HSPG2: variants seen among roughly 807,000 people sequenced by gnomAD.
HSPG2 encodes the protein heparan sulfate proteoglycan 2.
In HSPG2, 278 loss-of-function variants were observed where a neutral mutation model predicts 526.6. The observed-to-expected ratio is 0.53, with a 90% CI of 0.48 to 0.58. The LOEUF (loss-of-function observed/expected upper bound fraction) is 0.58. HSPG2 is among the 20% of genes least tolerant of loss of function. The probability of loss-of-function intolerance (pLI) is 0.00; values close to 1 mark genes in which losing one functional copy is unlikely to be tolerated. For missense variants in HSPG2, 5,354 were observed against 6,099.5 expected (o/e 0.88, Z 4.07); for synonymous variants, 2,465 against 2,555.4 (o/e 0.96, Z 1.07).
At chr1:21,835,805 G>A (rs1457596426) in intron 75 of HSPG2, among the ~76,000 whole-genome samples, 168 bp from the exon 76 acceptor site, 4 of 151,860 alleles carry the variant, frequency 2.6e-5, no homozygotes, top group African/African-American at 9.7e-5. Flanking sequence ...CCAACATGGT[G>A]AAACCCTGTT....
At chr1:21,854,409 C>T in intron 49 of HSPG2, 66 bp from the exon 50 acceptor site, 3 of 1,534,972 alleles carry the variant, frequency 2.0e-6, no homozygotes, top group Non-Finnish European at 2.6e-6. Flanking sequence ...ACTCCCTCAG[C>T]CTCAGTGATT....
Position 21,829,405 on chromosome 1 carries a change from C to T in HSPG2, c.11970G>A (p.Glu3990=), listed in dbSNP as rs140509598. ...VSLAMVGGHL[E]FRYELGSGLA... is the part of the protein sequence containing the mutation. ...TACCTGACCCCAACTCATAGCGGAA[C>T]TCCAGGTGGCCGCCCACCATCGCCA... is the stretch of plus-strand genomic sequence containing the variant. Residue 3990 remains glutamate (E), a synonymous_variant, in exon 87 of 97, where the codon GAG becomes GAA. Transcript: ENST00000374695. 3.3e-5 allele frequency: 53 copies of T among 1,613,438 alleles called. No homozygotes were observed. In the African/African-American group the frequency reaches 6.5e-4, roughly 20 times the overall value.
chr1:21,823,347 G>T lies in HSPG2; in HGVS notation c.13145C>A (p.Ala4382Asp), dbSNP rs116316900. ...QPLDLQHRAQAGANTRPCPS is the reference protein window; with the variant it reads ...QPLDLQHRAQDGANTRPCPS ...GGGGCAGGGGCGTGTGTTGGCCCCGGCCTGGGCGCGGTGCTGCAGGTCCAG... is the reference window on the plus strand; with the variant it reads ...GGGGCAGGGGCGTGTGTTGGCCCCGTCCTGGGCGCGGTGCTGCAGGTCCAG... The change falls in exon 97 of 97, where the codon GCC becomes GAC. Residue 4382 changes from alanine to aspartate, a missense_variant. Coordinates refer to ENST00000374695, the MANE Select transcript of HSPG2 (RefSeq NM_005529.7). 235 of 1,543,508 alleles carry T rather than the reference G, an allele frequency of 1.5e-4. No individual in the cohort carries two copies. In the African/African-American group the frequency reaches 2.9e-3, roughly 19 times the overall value.
intron 10 of HSPG2, 71 bp from the exon 11 acceptor site, chr1:21,885,228 G>T (rs1641800060): frequency 3.8e-6 from 6 of 1,599,572 alleles, no homozygotes; most frequent in Non-Finnish European, 4.3e-6. Context: ...GCTCCGAGGG[G>T]CTAGGAGGGA....
chr1:21,851,913 C>A lies in HSPG2; in HGVS notation c.6884G>T (p.Arg2295Leu), dbSNP rs771522119. 1 of 1,602,470 alleles carries A rather than the reference C, an allele frequency of 6.2e-7. No homozygotes were observed. The highest frequency in any genetic ancestry group is 1.1e-5 in the South Asian group (1 of 90,256). The part of the protein sequence containing the change: ...LPARHQVRGS[R>L]LYIFQASPAD... ...AGGTGAGGCCTGGAAGATGTACAGGCGGGAGCCACGAACCTGGGCAGCCGT... is the reference window on the plus strand; with the variant it reads ...AGGTGAGGCCTGGAAGATGTACAGGAGGGAGCCACGAACCTGGGCAGCCGT... The change falls in exon 54 of 97, where the codon CGC (arginine) becomes CTC (leucine). Residue 2295 changes from arginine (R) to leucine (L), a missense_variant. By Grantham distance (102) the Arg-to-Leu change is moderately radical. Coordinates refer to ENST00000374695, the MANE Select transcript of HSPG2 (RefSeq NM_005529.7).
At chr1:21,886,036 G>A (rs890562211) in intron 9 of HSPG2, among the ~76,000 whole-genome samples, 2 of 152,254 alleles carry the variant, frequency 1.3e-5, no homozygotes, top group African/African-American at 4.8e-5. Context: ...ACACAGACAG[G>A]GACAGAGAAG....
At chr1:21,911,215 C>T (rs1399999071) in intron 1 of HSPG2, among the ~76,000 whole-genome samples, 1 of 152,226 alleles carries the variant, frequency 6.6e-6, no homozygotes, top group Non-Finnish European at 1.5e-5. Flanking sequence ...CACACTAGCC[C>T]CAGCCCCTCC....
At position 21,833,589 on chromosome 1, in the gene HSPG2, C is replaced by G. The variant is rs369839608; in HGVS notation, c.10856G>C (p.Ser3619Thr). 32 of 1,613,980 alleles carry G rather than the reference C, an allele frequency of 2.0e-5. No homozygotes were observed. The highest frequency in any genetic ancestry group is 2.7e-5 in the Non-Finnish European group (32 of 1,180,006). ...CATCAGCATGTTGTTCTCCAGGCGG[C>G]TGTCAGGTGGCAGGCTGCCATCCAG... ...SKLDGSLPPD[S>T]RLENNMLMLP... Residue 3619 changes from serine to threonine, a missense_variant, in exon 79 of 97, where the codon AGC (serine) becomes ACC (threonine). Transcript: ENST00000374695.
At chr1:21,929,463 A>C (rs1201848950) in intron 1 of HSPG2, among the ~76,000 whole-genome samples, 4 of 151,548 alleles carry the variant, frequency 2.6e-5, no homozygotes, top group Non-Finnish European at 5.9e-5. Flanking sequence ...GCTGGAGCGC[A>C]GTGGCAAGAT....
At position 21,847,234 on chromosome 1, in the gene HSPG2, G is replaced by A. The variant is rs1017981615; in HGVS notation, c.8164+120C>T. The A allele has an allele frequency of 1.6e-5, 18 of 1,093,056 alleles. No homozygotes were observed. Among genetic ancestry groups the A allele is most frequent in the African/African-American group, 4.6e-5 (3 of 64,780 alleles). 67.7% of individuals were successfully genotyped at this position (1,093,056 alleles called of 1,614,324 possible). On this transcript the variant is annotated intron_variant, in intron 62 of 96. Coordinates refer to ENST00000374695, the MANE Select transcript of HSPG2 (RefSeq NM_005529.7). The surrounding 1 kb of genome is among the most constrained non-coding windows in gnomAD (Gnocchi z 4.1). The stretch of plus-strand genomic sequence containing the variant: ...GGGTAGCCGTAGCCACTGAACCCAC[G>A]CATCTTTCCGCTGGCCCTTGCCTGA...
intron 55 of HSPG2, chr1:21,851,327 T>G (rs1638878180): frequency 1.6e-6 from 1 of 631,174 alleles, no homozygotes; most frequent in African/African-American, 1.8e-5. Flanking sequence ...ACAGAGAGGT[T>G]AAGTAACTTG....
chr1:21,850,049 G>C lies in HSPG2; in HGVS notation c.7438C>G (p.Arg2480Gly), dbSNP rs143437991. 1.2e-5 allele frequency: 19 copies of C among 1,613,138 alleles called. No individual in the cohort carries two copies. Among genetic ancestry groups the C allele is most frequent in the Non-Finnish European group, 1.4e-5 (17 of 1,179,982 alleles). The stretch of plus-strand genomic sequence containing the variant: ...GAGCTCCTGCCTCCTACCTGGTGCC[G>C]GGCCGGGAGGCTGCCCCCGCGCTTG... ...WHKRGGSLPA[R>G]HQVHGSRLRL... Residue 2480 changes from arginine to glycine, a missense_variant, in exon 57 of 97, where the codon CGG becomes GGG. Arg to Gly is a moderately radical substitution (Grantham distance 125). Coordinates refer to ENST00000374695, the MANE Select transcript of HSPG2 (RefSeq NM_005529.7).
intron 1 of HSPG2, among the ~76,000 whole-genome samples, chr1:21,905,169 ACCCACAC>A (rs1643306800): frequency 1.3e-5 from 1 of 76,654 alleles, no homozygotes; most frequent in Non-Finnish European, 3.0e-5. Context: ...CCCACCACCC[ACCCACAC>A]ACACACACAC....
chr1:21,932,575 C>T (rs1009842461), intron 1 of HSPG2, among the ~76,000 whole-genome samples: 1 of 152,120 alleles, frequency 6.6e-6, no homozygotes, highest in Admixed American at 6.6e-5. Context: ...AACACATAAA[C>T]AAATACAGAC....
rs762780418 is a variant in HSPG2 at position 21,848,671 on chromosome 1, C to T, written c.7709G>A (p.Arg2570His). The change falls in exon 59 of 97, where the codon CGT becomes CAT. Residue 2570 changes from arginine (R) to histidine (H), a missense_variant. Physicochemically the swap from Arg to His is conservative, Grantham distance 29 (BLOSUM62 0). Coordinates refer to ENST00000374695, the MANE Select transcript of HSPG2 (RefSeq NM_005529.7). The surrounding 1 kb of genome is among the most constrained non-coding windows in gnomAD (Gnocchi z 4.9). ...QAPHTITWYK[R>H]GGSLPSRHQI... The stretch of plus-strand genomic sequence containing the variant: ...GTGCCGGCTGGGTAAGCTGCCTCCA[C>T]GCTTATACCAGGTGATGGTGTGGGG... 2.7e-5 allele frequency: 43 copies of T among 1,613,548 alleles called. No homozygotes were observed. The highest frequency in any genetic ancestry group is 1.7e-4 in the Middle Eastern group (1 of 5,938).
rs752336232 is a variant in HSPG2 at position 21,859,824 on chromosome 1, G to A, written c.5182+11C>T. ...GGCTCTTGGGGCTGAGGAGCCTAGG[G>A]CCATGGGTACCTTGATGTCGCTGCT... On this transcript the variant is annotated intron_variant, in intron 41 of 96. Transcript: ENST00000374695. The surrounding 1 kb of genome is among the most constrained non-coding windows in gnomAD (Gnocchi z 5.3). 1 of 1,610,790 alleles carries A rather than the reference G, an allele frequency of 6.2e-7. No homozygotes were observed. The highest frequency in any genetic ancestry group is 1.1e-5 in the South Asian group (1 of 90,182).
chr1:21,917,821 A>G (rs1370015270), intron 1 of HSPG2, among the ~76,000 whole-genome samples: 2 of 152,116 alleles, frequency 1.3e-5, no homozygotes, highest in African/African-American at 4.8e-5. Flanking sequence ...CCTTCTCCCT[A>G]CAAATATGTG....
Position 21,937,204 on chromosome 1 carries a change from G to GCCCGCCA in HSPG2, c.7_13dup (p.Ala5ValfsTer34). On this transcript the variant is annotated frameshift_variant, in exon 1 of 97. Coordinates refer to ENST00000374695, the MANE Select transcript of HSPG2 (RefSeq NM_005529.7). LOFTEE classifies it high-confidence loss of function. Reference sequence around the variant, plus strand: ...CAGCGCCAGCAGCAGCGCGCCCGCCGCCCGCCACCCCATGGCCCGGCCCGC... The same window carrying GCCCGCCA: ...CAGCGCCAGCAGCAGCGCGCCCGCCGCCCGCCACCCGCCACCCCATGGCCCGGCCCGC... The GCCCGCCA allele has an allele frequency of 1.9e-6, 2 of 1,069,144 alleles. No individual in the cohort carries two copies. The highest frequency in any genetic ancestry group is 2.3e-6 in the Non-Finnish European group (2 of 875,608). 66.2% of individuals were successfully genotyped at this position (1,069,144 alleles called of 1,614,324 possible).
rs772207131 is a variant in HSPG2, at chr1:21,847,971, G to A, written c.7860C>T (p.Ser2620=). The A allele has an allele frequency of 4.3e-6, 7 of 1,613,722 alleles. No individual in the cohort carries two copies. The highest frequency in any genetic ancestry group is 2.7e-5 in the African/African-American group (2 of 74,910). ...ETSLIVTIQG[S]GSSHVPSVSP... is the part of the protein sequence containing the mutation. ...CTCTGCTCTCACCGTGGGAGGAACC[G>A]CTGCCCTGGATGGTGACGATGAGCG... The change falls in exon 60 of 97, where the codon AGC becomes AGT. Residue 2620 remains serine (S), a synonymous_variant. Transcript: ENST00000374695. This position sits in a 1 kb window ranked among gnomAD's most constrained non-coding sequence, Gnocchi z 4.1.
Sources: allele counts gnomAD v4.1 joint callset (sites outside exome capture counted in the v4.1 genomes callset), GRCh38; gene constraint gnomAD v4.1.1; non-coding constraint Gnocchi (gnomAD v3.1); transcripts MANE v1.5; gene names NCBI Gene and HGNC (gene_info 2026-07-23, HGNC 2026-07-21).